SH3PXD2A: variants seen among roughly 807,000 people sequenced by gnomAD.
SH3PXD2A encodes SH3 and PX domains 2A, also known as SH3 and PX domain-containing protein 2A.
A neutral mutation model predicts 115.2 loss-of-function variants in SH3PXD2A; 32 were observed. The ratio of observed to expected loss-of-function variants is 0.28; its 90% confidence interval spans 0.21 to 0.37. The LOEUF (loss-of-function observed/expected upper bound fraction) is 0.37, where lower values mean the gene tolerates loss of function less well. Ranked by LOEUF, SH3PXD2A falls within the 10% of genes least tolerant of loss-of-function variation. The probability of loss-of-function intolerance (pLI) is 1.00; values close to 1 mark genes in which losing one functional copy is unlikely to be tolerated. For missense variants in SH3PXD2A, 1,328 were observed against 1,498.7 expected, an observed-to-expected ratio of 0.89 and a Z score of 1.88; for synonymous variants, 610 against 629.1, an observed-to-expected ratio of 0.97 and a Z score of 0.45.
chr10:103,796,615 C>T (rs962535389), intron 2 of SH3PXD2A, among the ~76,000 whole-genome samples: 4 of 152,078 alleles, frequency 2.6e-5, no homozygotes, highest in Admixed American at 1.3e-4. Context: ...CCTCAGCCTG[C>T]GCCACTTCTG....
chr10:103,846,220 C>A (rs1842847248), intron 1 of SH3PXD2A, among the ~76,000 whole-genome samples: 1 of 152,252 alleles, frequency 6.6e-6, no homozygotes, highest in South Asian at 2.1e-4. Context: ...AGAAAGCAGC[C>A]CAGTGGAGTG....
chr10:103,699,695 A>G (rs907627480), intron 5 of SH3PXD2A, among the ~76,000 whole-genome samples: 1 of 151,734 alleles, frequency 6.6e-6, no homozygotes, highest in Non-Finnish European at 1.5e-5. Flanking sequence ...AGAGGCAGCA[A>G]CCTCCAGGCA....
intron 2 of SH3PXD2A, among the ~76,000 whole-genome samples, chr10:103,800,446 G>A (rs1306500992): frequency 1.3e-5 from 2 of 152,202 alleles, no homozygotes; most frequent in African/African-American, 4.8e-5. Flanking sequence ...ATTCCTCAGG[G>A]TGTGAGGTAA....
intron 11 of SH3PXD2A, among the ~76,000 whole-genome samples, chr10:103,616,543 C>T (rs1350533671): frequency 3.9e-5 from 6 of 152,240 alleles, no homozygotes; most frequent in Non-Finnish European, 7.3e-5. Context: ...CCTACCCATA[C>T]CATTCAATAG....
At chr10:103,810,075 C>G (rs2039251452) in intron 1 of SH3PXD2A, among the ~76,000 whole-genome samples, 1 of 152,154 alleles carries the variant, frequency 6.6e-6, no homozygotes, top group Non-Finnish European at 1.5e-5. Flanking sequence ...ACTTATTACC[C>G]TGCAGAATGA....
chr10:103,658,302 A>G (rs1352329807), intron 8 of SH3PXD2A, among the ~76,000 whole-genome samples: 2 of 152,218 alleles, frequency 1.3e-5, no homozygotes, highest in Non-Finnish European at 2.9e-5. Context: ...GGGCAAGGCA[A>G]GGCCCAGGGA....
chr10:103,829,222 C>A (rs1481639535), intron 1 of SH3PXD2A, among the ~76,000 whole-genome samples: 1 of 152,198 alleles, frequency 6.6e-6, no homozygotes, highest in African/African-American at 2.4e-5. Context: ...GGGAGGCCAG[C>A]CCTGCAGACA....
At chr10:103,633,737 A>C (rs1452849025) in intron 8 of SH3PXD2A, among the ~76,000 whole-genome samples, 7 of 143,472 alleles carry the variant, frequency 4.9e-5, no homozygotes, top group African/African-American at 7.4e-5. Flanking sequence ...CAAAAAAAAA[A>C]AAAAAAAAAA....
chr10:103,629,116 C>T (rs1025991619), intron 8 of SH3PXD2A, among the ~76,000 whole-genome samples: 2 of 152,222 alleles, frequency 1.3e-5, no homozygotes, highest in Admixed American at 6.5e-5. Context: ...AAACTCTCTA[C>T]CCCTGAGACC....
intron 8 of SH3PXD2A, among the ~76,000 whole-genome samples, chr10:103,656,068 T>C (rs768821224): frequency 1.3e-5 from 2 of 152,250 alleles, no homozygotes; most frequent in Admixed American, 6.5e-5. Flanking sequence ...TCTACTTATA[T>C]CACACAGTAT....
chr10:103,789,177 TG>T (rs34893812), intron 2 of SH3PXD2A, among the ~76,000 whole-genome samples: 133,343 of 151,206 alleles, frequency 0.88, 58,802 homozygotes, highest in East Asian at 1. Flanking sequence ...TGGGGGAGGA[TG>T]GGGGGGGTAG....
chr10:103,765,045 T>A (rs1269242130), intron 3 of SH3PXD2A, among the ~76,000 whole-genome samples: 1 of 152,200 alleles, frequency 6.6e-6, no homozygotes, highest in East Asian at 1.9e-4. Context: ...ATACACTCAT[T>A]TATTTTATGC....
intron 12 of SH3PXD2A, among the ~76,000 whole-genome samples, chr10:103,612,440 G>A (rs1239424981): frequency 6.6e-6 from 1 of 152,244 alleles, no homozygotes; most frequent in African/African-American, 2.4e-5. Flanking sequence ...ACATTCAACA[G>A]CCCAGGGAAA....
At chr10:103,831,974 G>T (rs998161430) in intron 1 of SH3PXD2A, among the ~76,000 whole-genome samples, 1 of 152,198 alleles carries the variant, frequency 6.6e-6, no homozygotes. Context: ...CATCCAGGTT[G>T]CAGGATGAAT....
intron 5 of SH3PXD2A, among the ~76,000 whole-genome samples, chr10:103,705,551 G>T (rs2037970835): frequency 6.6e-6 from 1 of 152,178 alleles, no homozygotes; most frequent in African/African-American, 2.4e-5. Flanking sequence ...CCATTTTACA[G>T]ATGAGAAATG....
intron 10 of SH3PXD2A, among the ~76,000 whole-genome samples, chr10:103,618,551 T>C (rs10883889): frequency 0.65 from 98,549 of 152,086 alleles, 33,023 homozygotes; most frequent in East Asian, 0.86. Context: ...CATGCCCTTC[T>C]GAAGGGTCAC....
chr10:103,607,564 C>T (rs1316871789), intron 13 of SH3PXD2A, among the ~76,000 whole-genome samples: 10 of 152,052 alleles, frequency 6.6e-5, no homozygotes, highest in African/African-American at 2.4e-4. Flanking sequence ...GCCGCCCCGT[C>T]CGGGAGGTGA....
At chr10:103,615,518 GTGTGTGTGTGTGTA>G (rs2036503511) in intron 11 of SH3PXD2A, among the ~76,000 whole-genome samples, 1 of 138,780 alleles carries the variant, frequency 7.2e-6, no homozygotes, top group African/African-American at 3.0e-5. Flanking sequence ...GTGTGTGTGT[GTGTGTGTGTGTGTA>G]GGGGTTGGGG....
rs2036225737 is a variant in SH3PXD2A at position 103,602,162 on chromosome 10, C to T, written c.3056G>A (p.Ser1019Asn). 1 of 1,576,050 alleles carries T rather than the reference C, an allele frequency of 6.3e-7. No individual in the cohort carries two copies. Among genetic ancestry groups the T allele is most frequent in the South Asian group, 1.2e-5 (1 of 84,126 alleles). ...LRGVRRNSSF[S>N]TARSAAAEAK... is the part of the protein sequence containing the mutation. ...CTCGGCGGCAGCGGAGCGAGCAGTG[C>T]TAAAGGAGGAGTTCCGTCGGACGCC... The change falls in exon 15 of 15, where the codon AGC becomes AAC. Residue 1019 changes from serine to asparagine, a missense_variant. Around this residue, in one of 5 missense-constraint regions of SH3PXD2A, gnomAD observed 574 missense variants for 565.7 expected, o/e 1.01. Coordinates refer to ENST00000369774, the MANE Select transcript of SH3PXD2A (RefSeq NM_001394015.1).
Sources: allele counts gnomAD v4.1 joint callset (sites outside exome capture counted in the v4.1 genomes callset), GRCh38; gene constraint gnomAD v4.1.1; regional missense constraint gnomAD v4.1.1; transcripts MANE v1.5; gene names NCBI Gene and HGNC (gene_info 2026-07-23, HGNC 2026-07-21).